The following ANAPC11 variants were observed in gnomAD, a reference collection of about 807,000 sequenced individuals.
ANAPC11 encodes the protein anaphase-promoting complex subunit 11.
A neutral mutation model predicts 11.8 loss-of-function variants in ANAPC11; 5 were observed. That is an observed-to-expected ratio of 0.42 (90% CI 0.22 to 0.89). ANAPC11 has a LOEUF of 0.89. Ranked by LOEUF, ANAPC11 falls within the 40% of genes least tolerant of loss-of-function variation. ANAPC11 has a pLI of 0.28. For synonymous variants in ANAPC11, 45 were observed against 41.0 expected (o/e 1.10, Z -0.38); for missense variants, 68 against 112.9 (o/e 0.60, Z 1.80).
chr17:81,899,205 T>C, intron 3 of ANAPC11: 1 of 1,592,740 alleles, frequency 6.3e-7, no homozygotes, highest in Non-Finnish European at 8.6e-7. Flanking sequence ...TCATTTCTCT[T>C]GATCATGGCT....
intron 3 of ANAPC11, among the ~76,000 whole-genome samples, chr17:81,895,446 A>G (rs1598299797): frequency 6.6e-6 from 1 of 152,224 alleles, no homozygotes; most frequent in Admixed American, 6.5e-5. Flanking sequence ...CACAGACTCC[A>G]TAGGATGAAA....
At chr17:81,899,835 C>T (rs559540225) in intron 3 of ANAPC11, 85 bp from the exon 4 acceptor site, 2 of 1,369,042 alleles carry the variant, frequency 1.5e-6, no homozygotes, top group South Asian at 2.7e-5. Context: ...TGCCCAGGGT[C>T]CCTACCTGCA....
chr17:81,894,600 C>A lies in ANAPC11; in HGVS notation c.109+14C>A. ...GCTGCCCTGACTGTGAGTGTCCCCT[C>A]CATGCTGTCTGAGCGGCCCCGACTG... is the stretch of plus-strand genomic sequence containing the variant. On this transcript the variant is annotated intron_variant, in intron 3 of 3. Coordinates refer to ENST00000344877, the MANE Select transcript of ANAPC11 (RefSeq NM_001002248.3). The A allele has an allele frequency of 6.3e-7, 1 of 1,580,034 alleles. No individual in the cohort carries two copies. The highest frequency in any genetic ancestry group is 8.7e-7 in the Non-Finnish European group (1 of 1,155,366).
chr17:81,897,087 G>A (rs1187791412), intron 3 of ANAPC11, among the ~76,000 whole-genome samples: 3 of 152,056 alleles, frequency 2.0e-5, no homozygotes, highest in African/African-American at 4.8e-5. Context: ...TGCAACTTCC[G>A]CCTCCCTAGT....
upstream of ANAPC11, chr17:81,891,635 G>A (rs2039533471): frequency 1.5e-6 from 2 of 1,311,964 alleles, no homozygotes; most frequent in South Asian, 2.9e-5. Flanking sequence ...GCCGCGTGAG[G>A]CCTTCCGGTG....
intron 3 of ANAPC11, chr17:81,899,110 C>A: frequency 9.9e-7 from 1 of 1,007,318 alleles, no homozygotes; most frequent in Non-Finnish European, 1.4e-6. Context: ...CCGACCCTGC[C>A]GTGGGGCTGG....
upstream of ANAPC11, chr17:81,890,938 G>A (rs1245645127): frequency 6.8e-7 from 1 of 1,463,270 alleles, no homozygotes; most frequent in African/African-American, 1.4e-5. Context: ...GCCGAAACGG[G>A]GCCGCCAGCG....
chr17:81,895,181 A>T (rs1329586421), intron 3 of ANAPC11, among the ~76,000 whole-genome samples: 47 of 151,164 alleles, frequency 3.1e-4, no homozygotes, highest in Non-Finnish European at 2.9e-5. Flanking sequence ...CAGCCTTCCA[A>T]GTACCTGGGA....
At chr17:81,892,638 G>T (rs548164986) in intron 1 of ANAPC11, among the ~76,000 whole-genome samples, 2 of 142,484 alleles carry the variant, frequency 1.4e-5, no homozygotes, top group African/African-American at 5.8e-5. Context: ...GTCTCCAGCG[G>T]CAGCCTCCCG....
intron 2 of ANAPC11, 128 bp downstream of exon 2, chr17:81,893,742 GTTCTTTTTTTTCCTTT>G (rs1255672124): frequency 7.1e-6 from 1 of 141,152 alleles, no homozygotes; most frequent in East Asian, 2.2e-4. Context: ...CTCACAGATA[GTTCTTTTTTTTCCTTT>G]TTTTTTTTTT....
chr17:81,896,684 T>G (rs1307144151), intron 3 of ANAPC11, among the ~76,000 whole-genome samples: 1 of 151,952 alleles, frequency 6.6e-6, no homozygotes, highest in African/African-American at 2.4e-5. Flanking sequence ...ATGCCCATAT[T>G]GATTGACAGG....
upstream of ANAPC11, chr17:81,891,278 G>A: frequency 9.1e-7 from 1 of 1,102,562 alleles, no homozygotes; most frequent in Non-Finnish European, 1.1e-6. Flanking sequence ...CCCAGCCCCG[G>A]CTGGCCCCCT....
upstream of ANAPC11, chr17:81,890,978 C>T: frequency 9.0e-7 from 1 of 1,109,746 alleles, no homozygotes; most frequent in Non-Finnish European, 1.3e-6. Flanking sequence ...TGCCCCAGCC[C>T]GAGGCCGCAC....
Position 81,899,902 on chromosome 17 carries a change from C to T in ANAPC11, c.110-18C>T. Reference sequence around the variant, plus strand: ...CAGCCTGGTCATGCCTGTCCTTTTCCCCACCTCCCCTCCGTAGGCAAGGTG... The same window carrying T: ...CAGCCTGGTCATGCCTGTCCTTTTCTCCACCTCCCCTCCGTAGGCAAGGTG... On this transcript the variant is annotated intron_variant, in intron 3 of 3. Transcript: ENST00000344877. 6.2e-7 allele frequency: 1 copy of T among 1,602,598 alleles called. No individual in the cohort carries two copies. Among genetic ancestry groups the T allele is most frequent in the Non-Finnish European group, 8.5e-7 (1 of 1,172,794 alleles).
At chr17:81,893,303 A>G (rs1371786112) in intron 1 of ANAPC11, 1 of 152,192 alleles carries the variant, frequency 6.6e-6, no homozygotes, top group African/African-American at 2.4e-5. Flanking sequence ...TATGTTGGCC[A>G]GGCTGGTCTT....
At chr17:81,894,274 G>GTAAAA (rs1567867414) in intron 2 of ANAPC11, 193 bp from the exon 3 acceptor site, 1 of 385,980 alleles carries the variant, frequency 2.6e-6, no homozygotes, top group East Asian at 3.7e-5. Context: ...AAAAATAAAA[G>GTAAAA]TAAAATAAAA....
upstream of ANAPC11, chr17:81,891,585 TCGAGCCCGCGCGTCAGCACGCCGGCAC>T (rs2039531766): frequency 7.1e-6 from 10 of 1,413,996 alleles, no homozygotes; most frequent in South Asian, 3.9e-5. Context: ...GGGCATCGGC[TCGAGCCCGCGCGTCAGCACGCCGGCAC>T]GTCACTTCCG....
intron 2 of ANAPC11, among the ~76,000 whole-genome samples, chr17:81,894,089 C>T (rs559219740): frequency 2.0e-5 from 3 of 151,722 alleles, no homozygotes; most frequent in Non-Finnish European, 4.4e-5. Flanking sequence ...ACCAGCCTGG[C>T]CTACATGGTG....
intron 3 of ANAPC11, chr17:81,899,699 C>T (rs546030311): frequency 2.5e-5 from 26 of 1,022,192 alleles, no homozygotes; most frequent in African/African-American, 2.4e-4. Context: ...GGGTGGAGGC[C>T]GCATGTCCGG....
Sources: gnomAD v4.1 joint callset for allele counts (sites outside exome capture counted in the v4.1 genomes callset) on GRCh38, gnomAD v4.1.1 for gene constraint, MANE v1.5 for transcripts, NCBI Gene and HGNC (gene_info 2026-07-23, HGNC 2026-07-21) for gene names.